Variants in PLEKHG7 observed in about 807,000 individuals in gnomAD.
PLEKHG7 encodes the protein pleckstrin homology and RhoGEF domain containing G7.
In PLEKHG7, 77 loss-of-function variants were observed where a neutral mutation model predicts 85.2. That is an observed-to-expected ratio of 0.90 (90% confidence interval 0.75 to 1.09). PLEKHG7 has a LOEUF of 1.09. Ranked by LOEUF, PLEKHG7 falls within the 50% of genes least tolerant of loss-of-function variation. PLEKHG7 has a pLI of 0.00. For synonymous variants in PLEKHG7, 301 were observed against 302.4 expected (o/e 1.00, Z 0.05); for missense variants, 777 against 804.3 (o/e 0.97, Z 0.41).
chr12:92,747,202 A>G (rs1286765518), intron 10 of PLEKHG7, among the ~76,000 whole-genome samples: 1 of 152,150 alleles, frequency 6.6e-6, no homozygotes, highest in African/African-American at 2.4e-5. Context: ...CAAAGTGAGA[A>G]AAGAATCTGA....
chr12:92,721,370 T>C, intron 3 of PLEKHG7: 1 of 997,852 alleles, frequency 1.0e-6, no homozygotes, highest in Non-Finnish European at 1.3e-6. Flanking sequence ...ATGCTCTGAA[T>C]TGTTGCTTTC....
rs1163908692 is a variant in PLEKHG7, at chr12:92,756,386, T to TG, written c.1631_1632insG (p.Ala545CysfsTer16). ...CTTCTCTATGAAGGAAAATTAACTC[T>TG]TGCAGGTAAATAACTGCTTCCTTTA... On this transcript the variant is annotated frameshift_variant, in exon 13 of 17. Coordinates refer to ENST00000344636, the MANE Select transcript of PLEKHG7 (RefSeq NM_001377329.1). LOFTEE classifies it high-confidence loss of function. 1.9e-6 allele frequency: 3 copies of TG among 1,607,996 alleles called. No individual in the cohort carries two copies. The highest frequency in any genetic ancestry group is 2.7e-5 in the African/African-American group (2 of 74,780).
In PLEKHG7 at chr12:92,740,882, A is replaced by T. The variant is rs1220065643; in HGVS notation, c.969A>T (p.Gln323His). 6.2e-7 allele frequency: 1 copy of T among 1,610,742 alleles called. No individual in the cohort carries two copies. The highest frequency in any genetic ancestry group is 8.5e-7 in the Non-Finnish European group (1 of 1,177,894). ...MIFMNTLRYL[Q>H]THEYLLDVDL... ...TTATGAATACACTAAGATATCTGCAAACTCATGAATATCTCCTAGATGTGG... is the reference window on the plus strand; with the variant it reads ...TTATGAATACACTAAGATATCTGCATACTCATGAATATCTCCTAGATGTGG... The change falls in exon 8 of 17, where the codon CAA becomes CAT. Residue 323 changes from glutamine to histidine, a missense_variant. Coordinates refer to ENST00000344636, the MANE Select transcript of PLEKHG7 (RefSeq NM_001377329.1).
Position 92,756,357 on chromosome 12 carries a change from A to G in PLEKHG7, c.1602A>G (p.Arg534=), listed in dbSNP as rs1872830985. 6.2e-7 allele frequency: 1 copy of G among 1,613,326 alleles called. No individual in the cohort carries two copies. Among genetic ancestry groups the G allele is most frequent in the Non-Finnish European group, 8.5e-7 (1 of 1,179,248 alleles). ...MAENILSPTS[R]HLLYEGKLTL... is the part of the protein sequence containing the mutation. ...AAAACATCTTGTCACCAACCAGCAG[A>G]CACCTTCTCTATGAAGGAAAATTAA... Residue 534 remains arginine (R), a synonymous_variant, in exon 13 of 17, where the codon AGA becomes AGG. Transcript: ENST00000344636.
chr12:92,744,946 C>T (rs779822952), intron 9 of PLEKHG7, among the ~76,000 whole-genome samples: 4 of 152,158 alleles, frequency 2.6e-5, no homozygotes, highest in African/African-American at 4.8e-5. Context: ...GGATTACAGG[C>T]GTGAGCCACT....
chr12:92,720,996 G>A (rs1387583151), intron 3 of PLEKHG7, among the ~76,000 whole-genome samples: 4 of 152,068 alleles, frequency 2.6e-5, no homozygotes, highest in South Asian at 4.1e-4. Flanking sequence ...ACAACATTGC[G>A]ACCTTAGGTA....
chr12:92,707,448 A>G, intron 2 of PLEKHG7: 1 of 1,434,772 alleles, frequency 7.0e-7, no homozygotes, highest in South Asian at 1.6e-5. Context: ...GCCCTCTTGC[A>G]AATGCACACT....
At chr12:92,718,907 T>C (rs984204615) in intron 3 of PLEKHG7, among the ~76,000 whole-genome samples, 1 of 152,232 alleles carries the variant, frequency 6.6e-6, no homozygotes, top group African/African-American at 2.4e-5. Flanking sequence ...TTCTCACACA[T>C]GATGAGACTC....
At chr12:92,732,181 C>T (rs1434875271) in intron 4 of PLEKHG7, 52 bp from the exon 5 acceptor site, 3 of 1,096,866 alleles carry the variant, frequency 2.7e-6, no homozygotes, top group Non-Finnish European at 2.3e-6. Context: ...GATGATCTGT[C>T]GCTAGTTACT....
chr12:92,748,610 G>A (rs770586248), intron 10 of PLEKHG7, among the ~76,000 whole-genome samples: 5 of 152,024 alleles, frequency 3.3e-5, no homozygotes, highest in South Asian at 2.1e-4. Context: ...CTCTTAATTC[G>A]GAACACAAAC....
chr12:92,759,650 A>G (rs1439036179), intron 13 of PLEKHG7, among the ~76,000 whole-genome samples: 1 of 152,230 alleles, frequency 6.6e-6, no homozygotes, highest in Non-Finnish European at 1.5e-5. Flanking sequence ...TCTGTTTGCC[A>G]TGTAAGAACA....
chr12:92,768,112 G>T (rs1404002133), intron 15 of PLEKHG7, among the ~76,000 whole-genome samples: 2 of 151,916 alleles, frequency 1.3e-5, no homozygotes, highest in African/African-American at 4.8e-5. Flanking sequence ...GGAGGCTGAA[G>T]CAGGAGAACC....
At chr12:92,723,675 T>C (rs1482179872) in intron 3 of PLEKHG7, among the ~76,000 whole-genome samples, 1 of 152,180 alleles carries the variant, frequency 6.6e-6, no homozygotes, top group Non-Finnish European at 1.5e-5. Context: ...CTGGAGAGGT[T>C]ACTCAAGTTG....
chr12:92,747,854 G>T (rs1331258076), intron 10 of PLEKHG7, among the ~76,000 whole-genome samples: 1 of 152,186 alleles, frequency 6.6e-6, no homozygotes, highest in Non-Finnish European at 1.5e-5. Flanking sequence ...TTAGTCTCAT[G>T]GAGATAGAGA....
intron 3 of PLEKHG7, chr12:92,708,166 G>A (rs76663986): frequency 0.018 from 2,740 of 153,780 alleles, 98 homozygotes; most frequent in African/African-American, 0.062. Context: ...CTTTCAGCAC[G>A]GCCCCCTGGT....
At chr12:92,740,167 T>G (rs1285010895) in intron 7 of PLEKHG7, among the ~76,000 whole-genome samples, 1 of 152,266 alleles carries the variant, frequency 6.6e-6, no homozygotes, top group Non-Finnish European at 1.5e-5. Context: ...TTTGTCCCTT[T>G]GAATGCTTCC....
intron 3 of PLEKHG7, among the ~76,000 whole-genome samples, chr12:92,722,918 A>G (rs1169649794): frequency 2.0e-5 from 3 of 152,198 alleles, no homozygotes; most frequent in Non-Finnish European, 4.4e-5. Context: ...TGAATCTTCA[A>G]CGTGTTTATT....
At chr12:92,703,540 G>A (rs570863204) in intron 1 of PLEKHG7, among the ~76,000 whole-genome samples, 2 of 152,348 alleles carry the variant, frequency 1.3e-5, no homozygotes, top group Admixed American at 6.5e-5. Flanking sequence ...TGTGAGGGAG[G>A]TTCTTTGATG....
intron 15 of PLEKHG7, among the ~76,000 whole-genome samples, chr12:92,765,744 T>C (rs1370516873): frequency 6.6e-6 from 1 of 151,978 alleles, no homozygotes; most frequent in African/African-American, 2.4e-5. Flanking sequence ...CAGTGAGCTA[T>C]GATTGCCACT....
Sources: gnomAD v4.1 joint callset for allele counts (sites outside exome capture counted in the v4.1 genomes callset) on GRCh38, gnomAD v4.1.1 for gene constraint, MANE v1.5 for transcripts, NCBI Gene and HGNC (gene_info 2026-07-23, HGNC 2026-07-21) for gene names.